The following FHIT variants were observed in gnomAD, a reference collection of about 807,000 sequenced individuals.
FHIT encodes the protein bis(5'-adenosyl)-triphosphatase.
A neutral mutation model predicts 17.9 loss-of-function variants in FHIT; 19 were observed. That is an observed-to-expected ratio of 1.06 (90% CI 0.74 to 1.56). The LOEUF (loss-of-function observed/expected upper bound fraction) is 1.56, where lower values mean the gene tolerates loss of function less well. FHIT is among the 40% of genes most tolerant of loss of function. The pLI is 0.00. For synonymous variants in FHIT, 81 were observed against 69.7 expected (o/e 1.16, Z -0.81); for missense variants, 248 against 189.2 (o/e 1.31, Z -1.82).
chr3:60,914,809 G>A (rs1559824956), intron 3 of FHIT, among the ~76,000 whole-genome samples: 3 of 152,162 alleles, frequency 2.0e-5, no homozygotes, highest in Non-Finnish European at 2.9e-5. Flanking sequence ...AGAGAGGGTG[G>A]GGGAACAAAC....
At chr3:60,128,540 C>T (rs1021313971) in intron 5 of FHIT, among the ~76,000 whole-genome samples, 17 of 152,310 alleles carry the variant, frequency 1.1e-4, no homozygotes, top group Admixed American at 1.1e-3. Flanking sequence ...TGGACTAATA[C>T]AAACCCTTAC....
chr3:61,196,991 C>G (rs147640905), intron 2 of FHIT, among the ~76,000 whole-genome samples: 155 of 152,254 alleles, frequency 1.0e-3, no homozygotes, highest in African/African-American at 3.5e-3. Flanking sequence ...TGGTGCAGAG[C>G]CATTTAGAAG....
Position 59,747,876 on chromosome 3 carries a change from C to T in FHIT, c.*1709G>A, listed in dbSNP as rs574111884. On this transcript the variant is annotated 3_prime_UTR_variant, in exon 10 of 10. Coordinates refer to ENST00000492590, the MANE Select transcript of FHIT (RefSeq NM_002012.4). The stretch of plus-strand genomic sequence containing the variant: ...AGCCAGCTTGCTCTGGGTTTAAGAT[C>T]TGGCCTCCACTGCTGTTTCTCCAAA... 6.6e-6 allele frequency among the ~76,000 whole-genome samples: 1 copy of T among 152,124 alleles called. No individual in the cohort carries two copies. The highest frequency in any genetic ancestry group is 1.5e-5 in the Non-Finnish European group (1 of 68,006).
chr3:60,525,424 T>C (rs550360459), intron 5 of FHIT, among the ~76,000 whole-genome samples: 2 of 152,318 alleles, frequency 1.3e-5, no homozygotes, highest in African/African-American at 4.8e-5. Flanking sequence ...CTACCTAATG[T>C]GGTATTGACT....
At chr3:59,995,705 C>T (rs913248901) in intron 7 of FHIT, among the ~76,000 whole-genome samples, 1 of 152,076 alleles carries the variant, frequency 6.6e-6, no homozygotes, top group Non-Finnish European at 1.5e-5. Flanking sequence ...ATCTCCTCCT[C>T]CCACCCTAAA....
chr3:60,348,059 TA>T (rs1188960291), intron 5 of FHIT, among the ~76,000 whole-genome samples: 1 of 152,108 alleles, frequency 6.6e-6, no homozygotes, highest in East Asian at 1.9e-4. Flanking sequence ...ACACCTGGCC[TA>T]CCCTTTCATT....
chr3:59,791,706 G>C (rs1252291883), intron 8 of FHIT, among the ~76,000 whole-genome samples: 2 of 151,982 alleles, frequency 1.3e-5, no homozygotes, highest in African/African-American at 2.4e-5. Context: ...CTTAGTAAAG[G>C]CTTGTTGAAT....
rs1553749790 is a variant in FHIT, at chr3:60,855,801, A to G, written c.-110-33790T>C. Among the ~76,000 whole-genome samples, 4 of 152,232 alleles carry G rather than the reference A, an allele frequency of 2.6e-5. 1 individual carries two copies. The highest frequency in any genetic ancestry group is 9.6e-5 in the African/African-American group (4 of 41,528). On this transcript the variant is annotated intron_variant, in intron 3 of 9. Transcript: ENST00000492590. ...TGTACTTTCCACAGCCTAGAAGGAT[A>G]TATGTTTCCCTCTCTCCAGCCCTAA... is the stretch of plus-strand genomic sequence containing the variant.
At chr3:59,779,618 CA>C (rs1340916267) in intron 8 of FHIT, among the ~76,000 whole-genome samples, 1 of 151,934 alleles carries the variant, frequency 6.6e-6, no homozygotes, top group Admixed American at 6.6e-5. Context: ...TTACACTACC[CA>C]AATATGTAGT....
intron 5 of FHIT, among the ~76,000 whole-genome samples, chr3:60,359,056 C>T (rs1699788962): frequency 6.6e-6 from 1 of 152,016 alleles, no homozygotes; most frequent in South Asian, 2.1e-4. Context: ...AGCACTTGCC[C>T]AGCACTGAGA....
At chr3:59,855,451 G>T (rs1416744872) in intron 8 of FHIT, among the ~76,000 whole-genome samples, 1 of 152,008 alleles carries the variant, frequency 6.6e-6, no homozygotes, top group Non-Finnish European at 1.5e-5. Flanking sequence ...TTTATAAAAA[G>T]GATTCCATCC....
At chr3:60,189,290 T>A (rs1184942400) in intron 5 of FHIT, among the ~76,000 whole-genome samples, 1 of 152,102 alleles carries the variant, frequency 6.6e-6, no homozygotes, top group Non-Finnish European at 1.5e-5. Context: ...TCTAACTAGA[T>A]CTCCGGATTT....
chr3:60,179,331 A>G (rs1340301417), intron 5 of FHIT, among the ~76,000 whole-genome samples: 2 of 152,254 alleles, frequency 1.3e-5, no homozygotes, highest in East Asian at 1.9e-4. Flanking sequence ...CCTTTCCCCT[A>G]TATCACAGTG....
intron 2 of FHIT, among the ~76,000 whole-genome samples, chr3:61,147,604 G>A (rs746682220): frequency 7.3e-5 from 11 of 151,478 alleles, no homozygotes; most frequent in Middle Eastern, 3.4e-3. Flanking sequence ...GCTATTCCCC[G>A]AAGATAACAA....
intron 5 of FHIT, among the ~76,000 whole-genome samples, chr3:60,107,117 T>C (rs1704452971): frequency 6.6e-6 from 1 of 151,768 alleles, no homozygotes; most frequent in South Asian, 2.1e-4. Context: ...GCTCATTTGA[T>C]TAAATAAATT....
At chr3:59,810,541 A>C (rs1265730929) in intron 8 of FHIT, among the ~76,000 whole-genome samples, 1 of 152,200 alleles carries the variant, frequency 6.6e-6, no homozygotes, top group Non-Finnish European at 1.5e-5. Flanking sequence ...TTACCAAACG[A>C]GTACATTTTC....
chr3:59,986,523 A>T (rs1428208377), intron 7 of FHIT, among the ~76,000 whole-genome samples: 67 of 1,654 alleles, frequency 0.041, no homozygotes, highest in South Asian at 0.25. Context: ...ATATATATAT[A>T]TATATATATA....
intron 4 of FHIT, among the ~76,000 whole-genome samples, chr3:60,633,207 G>T (rs1381733424): frequency 6.6e-6 from 1 of 152,196 alleles, no homozygotes; most frequent in African/African-American, 2.4e-5. Flanking sequence ...GGAGGCAATA[G>T]TTAGGAATAT....
At chr3:60,726,341 C>T (rs897654975) in intron 4 of FHIT, among the ~76,000 whole-genome samples, 29 of 152,240 alleles carry the variant, frequency 1.9e-4, no homozygotes, top group Non-Finnish European at 3.5e-4. Context: ...TACTTCCAAT[C>T]TGAAAATTAG....
Sources: allele counts gnomAD v4.1 joint callset (sites outside exome capture counted in the v4.1 genomes callset), GRCh38; gene constraint gnomAD v4.1.1; transcripts MANE v1.5; gene names NCBI Gene and HGNC (gene_info 2026-07-23, HGNC 2026-07-21).